Variants in SLC30A7 observed in about 807,000 individuals in gnomAD.
SLC30A7 encodes zinc transporter 7.
Under a neutral mutation model 46.0 loss-of-function variants are expected in SLC30A7, and 35 were observed. The observed-to-expected ratio is 0.76, with a 90% CI of 0.58 to 1.01. The LOEUF is 1.01. SLC30A7 is among the 50% of genes least tolerant of loss of function. SLC30A7 has a pLI of 0.00. For missense variants in SLC30A7, 464 were observed against 451.1 expected, an observed-to-expected ratio of 1.03 and a Z score of -0.26; for synonymous variants, 147 against 157.8, an observed-to-expected ratio of 0.93 and a Z score of 0.51.
chr1:100,935,099 TC>T (rs1260269701), intron 8 of SLC30A7, among the ~76,000 whole-genome samples: 1 of 152,228 alleles, frequency 6.6e-6, no homozygotes, highest in Admixed American at 6.5e-5. Flanking sequence ...ATCAAAGCCT[TC>T]CCACTACAAA....
chr1:100,975,442 T>C lies in SLC30A7; in HGVS notation c.*585T>C, dbSNP rs931963668. On this transcript the variant is annotated 3_prime_UTR_variant, in exon 11 of 11. Coordinates refer to ENST00000357650, the MANE Select transcript of SLC30A7 (RefSeq NM_133496.5). The stretch of plus-strand genomic sequence containing the variant: ...TTGCAAACTTATGAACCAAACCATA[T>C]TGGGTTTTCAAAGTGCCTTTGTATC... The C allele has an allele frequency of 1.3e-5, 2 of 152,686 alleles. No homozygotes were observed. The highest frequency in any genetic ancestry group is 2.9e-5 in the Non-Finnish European group (2 of 68,056). The allele number at this position is 152,686 out of a possible 1,614,324, so 9.5% of individuals were successfully genotyped here.
chr1:100,925,748 T>A (rs1553238008), intron 8 of SLC30A7, among the ~76,000 whole-genome samples: 1 of 152,112 alleles, frequency 6.6e-6, no homozygotes, highest in Non-Finnish European at 1.5e-5. Context: ...AGATAAAAAA[T>A]TCTGTTTTGG....
intron 8 of SLC30A7, among the ~76,000 whole-genome samples, chr1:100,960,466 A>G (rs1655476652): frequency 6.6e-6 from 1 of 152,190 alleles, no homozygotes; most frequent in African/African-American, 2.4e-5. Context: ...AGAATATAAT[A>G]GTGAGCCAGA....
chr1:100,938,316 A>T lies in SLC30A7; in HGVS notation c.842+16475A>T, dbSNP rs1433252142. Among the ~76,000 whole-genome samples, 3 of 152,214 alleles carry T rather than the reference A, an allele frequency of 2.0e-5. No homozygotes were observed. In the East Asian group the frequency reaches 5.8e-4, roughly 29 times the overall value. On this transcript the variant is annotated intron_variant, in intron 8 of 10. Transcript: ENST00000357650. ...AATGTCTACCTTTTGAATACCTCTT[A>T]TAAAATTCATCTCAAGGGGCATCTC...
chr1:100,969,933 TG>T (rs1656066964), intron 10 of SLC30A7, among the ~76,000 whole-genome samples: 1 of 152,226 alleles, frequency 6.6e-6, no homozygotes, highest in Admixed American at 6.5e-5. Context: ...TAGTAATGCA[TG>T]GTCCTTATGC....
intron 6 of SLC30A7, among the ~76,000 whole-genome samples, chr1:100,915,194 T>TCCC (rs1652426713): frequency 9.1e-5 from 3 of 32,922 alleles, no homozygotes; most frequent in Non-Finnish European, 1.9e-4. Flanking sequence ...TTTTCTTTCT[T>TCCC]TTCTTTCTTT....
chr1:100,990,562 C>T, the SLC30A7 span: 1 of 1,614,092 alleles, frequency 6.2e-7, no homozygotes, highest in Non-Finnish European at 8.5e-7. Flanking sequence ...CCTTAAAGTG[C>T]CTGCTGCAAT....
intron 8 of SLC30A7, among the ~76,000 whole-genome samples, chr1:100,958,051 C>A (rs1655322894): frequency 6.6e-6 from 1 of 152,208 alleles, no homozygotes; most frequent in Admixed American, 6.5e-5. Context: ...CAATATTCTT[C>A]ACTGTCAAAA....
At position 100,978,654 on chromosome 1, in the gene SLC30A7, A is replaced by C. The variant is rs1057459876; in HGVS notation, c.*3797A>C. 2.0e-5 allele frequency: 3 copies of C among 152,216 alleles called. No individual in the cohort carries two copies. Among genetic ancestry groups the C allele is most frequent in the African/African-American group, 7.2e-5 (3 of 41,468 alleles). 9.4% of individuals were successfully genotyped at this position (152,216 alleles called of 1,614,324 possible). On this transcript the variant is annotated 3_prime_UTR_variant, in exon 11 of 11. Transcript: ENST00000357650. Reference sequence around the variant, plus strand: ...TCTATTATGCTGCCTCTCCAGTGTAATATTTGCCTTTCTGTAAATGGGATT... The same window carrying C: ...TCTATTATGCTGCCTCTCCAGTGTACTATTTGCCTTTCTGTAAATGGGATT...
chr1:100,963,940 G>T (rs913161663), intron 9 of SLC30A7, among the ~76,000 whole-genome samples: 3 of 152,106 alleles, frequency 2.0e-5, no homozygotes, highest in Non-Finnish European at 4.4e-5. Context: ...AGGATTAACT[G>T]TTGATAGTAG....
In SLC30A7 at chr1:100,913,936, G is replaced by T. The variant is rs1288956919; in HGVS notation, c.655+130G>T. ...TCTTTTCTAATGAATCAGTCTAAATGGTTCCCAGGGCTAGTTTATTTTTTG... is the reference window on the plus strand; with the variant it reads ...TCTTTTCTAATGAATCAGTCTAAATTGTTCCCAGGGCTAGTTTATTTTTTG... On this transcript the variant is annotated intron_variant, in intron 6 of 10. Transcript: ENST00000357650. 9.2e-6 allele frequency: 12 copies of T among 1,300,932 alleles called. No homozygotes were observed. The South Asian group carries it at 1.6e-4, about 18-fold the overall frequency. The allele number at this position is 1,300,932 out of a possible 1,614,324, so 80.6% of individuals were successfully genotyped here. A position where few individuals can be genotyped will look rare whatever the true frequency, so the allele number is the denominator to read the frequency against.
In SLC30A7 at chr1:100,966,008, A is replaced by T. The variant is rs1382459221; in HGVS notation, c.1083+90A>T. 26 of 1,162,686 alleles carry T rather than the reference A, an allele frequency of 2.2e-5. No individual in the cohort carries two copies. The East Asian group carries it at 6.3e-4, about 28-fold the overall frequency. 72.0% of individuals were successfully genotyped at this position (1,162,686 alleles called of 1,614,324 possible). ...ATATTTACAAGGCCAATGTGAGAGG[A>T]TGGCTTGAGGCTAGGATTTCTAGAT... is the stretch of plus-strand genomic sequence containing the variant. On this transcript the variant is annotated intron_variant, in intron 10 of 10. Transcript: ENST00000357650.
chr1:100,962,642 AG>A (rs898419537), intron 9 of SLC30A7, among the ~76,000 whole-genome samples: 1 of 152,244 alleles, frequency 6.6e-6, no homozygotes, highest in African/African-American at 2.4e-5. Flanking sequence ...AAGATCACTT[AG>A]GGTTTTGGGT....
At chr1:100,960,704 T>G (rs1194948429) in intron 8 of SLC30A7, among the ~76,000 whole-genome samples, 4 of 152,154 alleles carry the variant, frequency 2.6e-5, no homozygotes, top group Admixed American at 6.5e-5. Flanking sequence ...TTTAAGCTAT[T>G]AAGTGTAGTG....
intron 6 of SLC30A7, among the ~76,000 whole-genome samples, chr1:100,916,958 C>T (rs951217691): frequency 6.6e-6 from 1 of 152,150 alleles, no homozygotes; most frequent in African/African-American, 2.4e-5. Context: ...TTATCAGATA[C>T]ATAGTTTGCA....
intron 2 of SLC30A7, among the ~76,000 whole-genome samples, chr1:100,898,399 A>C (rs1651106993): frequency 6.6e-6 from 1 of 152,196 alleles, no homozygotes; most frequent in Admixed American, 6.5e-5. Flanking sequence ...CAAAAACATT[A>C]GTTGTAGTCG....
rs72292631 is a variant in SLC30A7, at chr1:100,909,043, ATGTGTGTGTGTGTG to A, written c.297-2004_297-1991del. ...TTTAATTTAATCCTCTCCTCTCTTT[ATGTGTGTGTGTGTG>A]TGTGTGTGTGTGTGTTTTCTTTTGG... On this transcript the variant is annotated intron_variant, in intron 3 of 10. Coordinates refer to ENST00000357650, the MANE Select transcript of SLC30A7 (RefSeq NM_133496.5). Among the ~76,000 whole-genome samples the A allele has an allele frequency of 2.3e-3, 340 of 148,260 alleles. 4 individuals are homozygous for A. Among genetic ancestry groups the A allele is most frequent in the African/African-American group, 8.1e-3 (326 of 40,454 alleles).
At chr1:100,899,396 T>G (rs1651163080) in intron 2 of SLC30A7, among the ~76,000 whole-genome samples, 1 of 152,230 alleles carries the variant, frequency 6.6e-6, no homozygotes, top group Admixed American at 6.5e-5. Context: ...AGGAAAATGG[T>G]AGAAATTCTA....
chr1:100,944,322 G>A (rs937183151), intron 8 of SLC30A7, among the ~76,000 whole-genome samples: 3 of 152,194 alleles, frequency 2.0e-5, no homozygotes, highest in Non-Finnish European at 4.4e-5. Flanking sequence ...TTATAGGTGT[G>A]AGACACCATA....
Sources: gnomAD v4.1 joint callset for allele counts (sites outside exome capture counted in the v4.1 genomes callset) on GRCh38, gnomAD v4.1.1 for gene constraint, MANE v1.5 for transcripts, NCBI Gene and HGNC (gene_info 2026-07-23, HGNC 2026-07-21) for gene names.